Variants in GAREM1 observed in about 807,000 individuals in gnomAD.
GAREM1 encodes the protein GRB2 associated regulator of MAPK1 subtype 1.
A neutral mutation model predicts 71.3 loss-of-function variants in GAREM1; 26 were observed. That is an observed-to-expected ratio of 0.36 (90% CI 0.27 to 0.51). The LOEUF is 0.51. Ranked by LOEUF, GAREM1 falls within the 20% of genes least tolerant of loss-of-function variation. The pLI, the probability that GAREM1 is intolerant of heterozygous loss-of-function variation, is 0.95. For missense variants in GAREM1, 1,026 were observed against 1,103.1 expected (o/e 0.93, Z 0.99); for synonymous variants, 440 against 433.2 (o/e 1.02, Z -0.20).
intron 1 of GAREM1, among the ~76,000 whole-genome samples, chr18:32,395,481 T>A (rs1023121333): frequency 6.6e-6 from 1 of 152,206 alleles, no homozygotes; most frequent in Non-Finnish European, 1.5e-5. Flanking sequence ...AAGATCAGGA[T>A]TATATAGAAC....
intron 1 of GAREM1, among the ~76,000 whole-genome samples, chr18:32,457,220 A>T (rs1269483719): frequency 0.016 from 1,771 of 109,366 alleles, 43 homozygotes; most frequent in Non-Finnish European, 0.019. Flanking sequence ...AGAGAGAGAG[A>T]GAGAGAGTGT....
At chr18:32,398,301 A>G (rs1254383393) in intron 1 of GAREM1, among the ~76,000 whole-genome samples, 1 of 152,230 alleles carries the variant, frequency 6.6e-6, no homozygotes, top group Non-Finnish European at 1.5e-5. Context: ...AGAAGGCAAG[A>G]AATAACTAAG....
chr18:32,352,291 G>C lies in GAREM1; in HGVS notation c.262+40604C>G, dbSNP rs145119293. Among the ~76,000 whole-genome samples the C allele has an allele frequency of 3.6e-4, 55 of 152,344 alleles. No individual in the cohort carries two copies. The East Asian group carries it at 0.01, about 29-fold the overall frequency. On this transcript the variant is annotated intron_variant, in intron 2 of 5. Transcript: ENST00000269209. ...AACTGGATTTAAAACACAGTACTAA[G>C]ACAAGGCCAGGAGTAACTCAGAACA...
intron 1 of GAREM1, among the ~76,000 whole-genome samples, chr18:32,449,296 C>A (rs1236403580): frequency 4.6e-5 from 7 of 152,172 alleles, no homozygotes; most frequent in Non-Finnish European, 1.5e-5. Context: ...GGAAGAGTTA[C>A]TTTTAACAGT....
chr18:32,368,236 C>G (rs1395298724), intron 2 of GAREM1, among the ~76,000 whole-genome samples: 17 of 152,160 alleles, frequency 1.1e-4, no homozygotes, highest in Admixed American at 1.1e-3. Context: ...TGTCTCTAAG[C>G]TTAGGTCTCT....
chr18:32,468,585 G>T (rs2049019276), intron 1 of GAREM1, among the ~76,000 whole-genome samples: 1 of 152,214 alleles, frequency 6.6e-6, no homozygotes, highest in South Asian at 2.1e-4. Context: ...AGTGTGGGAT[G>T]AGTACACTGC....
rs770183045 is a variant in GAREM1, at chr18:32,287,237, C to T, written c.1360G>A (p.Glu454Lys). The T allele has an allele frequency of 8.1e-6, 13 of 1,614,080 alleles. No individual in the cohort carries two copies. The highest frequency in any genetic ancestry group is 2.2e-5 in the South Asian group (2 of 91,078). ...GIPGKSELPY[E>K]ELWLEEGKPS... is the part of the protein sequence containing the mutation. ...TTGCCTTCCTCCAGCCACAGCTCTT[C>T]GTAGGGAAGTTCTGACTTTCCCGGG... is the stretch of plus-strand genomic sequence containing the variant. The change falls in exon 4 of 6, where the codon GAA (glutamate) becomes AAA (lysine). Residue 454 changes from glutamate to lysine, a missense_variant. Physicochemically the swap from Glu to Lys is moderately conservative, Grantham distance 56 (BLOSUM62 1). This residue lies in a region of GAREM1 where 636 missense variants were observed against 631.2 expected (regional missense o/e 1.01). Coordinates refer to ENST00000269209, the MANE Select transcript of GAREM1 (RefSeq NM_001242409.2). This position sits in a 1 kb window ranked among gnomAD's most constrained non-coding sequence, Gnocchi z 5.9.
intron 3 of GAREM1, 120 bp downstream of exon 3, chr18:32,310,069 CACTA>C (rs1256906354): frequency 8.8e-6 from 9 of 1,017,972 alleles, no homozygotes; most frequent in African/African-American, 6.5e-5. Context: ...TGGCTACTGC[CACTA>C]ACTATTAGAA....
chr18:32,310,598 T>C (rs895968139), intron 2 of GAREM1, among the ~76,000 whole-genome samples: 2 of 152,198 alleles, frequency 1.3e-5, no homozygotes, highest in African/African-American at 4.8e-5. Flanking sequence ...GAATGCTTAC[T>C]TGCTGTTTGA....
At chr18:32,307,649 G>T (rs921755121) in intron 3 of GAREM1, among the ~76,000 whole-genome samples, 1 of 152,018 alleles carries the variant, frequency 6.6e-6, no homozygotes, top group Non-Finnish European at 1.5e-5. Flanking sequence ...CAGCCCCACC[G>T]AGTAGCTGGG....
rs1346735217 is a variant in GAREM1 at position 32,309,269 on chromosome 18, T to G, written c.393+924A>C. Among the ~76,000 whole-genome samples the G allele has an allele frequency of 2.0e-5, 3 of 149,552 alleles. 1 individual carries two copies. The highest frequency in any genetic ancestry group is 7.5e-5 in the African/African-American group (3 of 40,142). ...GTCAGTCCCTCTTCAACAGCAAGTC[T>G]AGTCAAAGGACCTCGGTCAACATCT... On this transcript the variant is annotated intron_variant, in intron 3 of 5. Transcript: ENST00000269209.
chr18:32,347,123 A>C (rs1281473974), intron 2 of GAREM1, among the ~76,000 whole-genome samples: 1 of 152,214 alleles, frequency 6.6e-6, no homozygotes, highest in East Asian at 1.9e-4. Flanking sequence ...CATACAACAA[A>C]AAAGGAAGTG....
chr18:32,437,017 C>A (rs8096329), intron 1 of GAREM1, among the ~76,000 whole-genome samples: 32,956 of 151,972 alleles, frequency 0.22, 4,218 homozygotes, highest in East Asian at 0.39. Flanking sequence ...ACAGAGAGAG[C>A]CTTTAACACA....
intron 1 of GAREM1, among the ~76,000 whole-genome samples, chr18:32,449,211 T>C (rs1383547485): frequency 2.6e-5 from 4 of 152,196 alleles, no homozygotes; most frequent in Non-Finnish European, 5.9e-5. Flanking sequence ...GCTGGCACCA[T>C]AATTAGTCCT....
intron 1 of GAREM1, among the ~76,000 whole-genome samples, chr18:32,413,617 AC>A (rs1379856300): frequency 6.6e-6 from 1 of 152,138 alleles, no homozygotes; most frequent in Non-Finnish European, 1.5e-5. Context: ...ACACTAAAAA[AC>A]CAGATCATTA....
intron 4 of GAREM1, among the ~76,000 whole-genome samples, chr18:32,272,385 T>C (rs893935357): frequency 3.3e-5 from 5 of 152,204 alleles, no homozygotes; most frequent in Non-Finnish European, 5.9e-5. Flanking sequence ...CCCTGGTTAC[T>C]GGGGCCCAGT....
chr18:32,331,868 C>T (rs546304529), intron 2 of GAREM1, among the ~76,000 whole-genome samples: 45 of 151,892 alleles, frequency 3.0e-4, no homozygotes, highest in South Asian at 8.4e-4. Context: ...CGAGTGGTGA[C>T]AACATCTGGG....
At chr18:32,321,263 G>T (rs1435113275) in intron 2 of GAREM1, among the ~76,000 whole-genome samples, 9 of 152,106 alleles carry the variant, frequency 5.9e-5, no homozygotes, top group Non-Finnish European at 1.0e-4. Flanking sequence ...GCTCCACTTA[G>T]CTTATGCAAA....
intron 2 of GAREM1, among the ~76,000 whole-genome samples, chr18:32,374,687 G>C (rs1393233212): frequency 6.6e-6 from 1 of 152,196 alleles, no homozygotes; most frequent in Non-Finnish European, 1.5e-5. Context: ...TATGTGCCTT[G>C]AGAAGAACTT....
Sources: gnomAD v4.1 joint callset for allele counts (sites outside exome capture counted in the v4.1 genomes callset) on GRCh38, gnomAD v4.1.1 for gene constraint, gnomAD v4.1.1 regional missense constraint, Gnocchi (gnomAD v3.1) non-coding constraint, MANE v1.5 for transcripts, NCBI Gene and HGNC (gene_info 2026-07-23, HGNC 2026-07-21) for gene names.